XPNPEP3: variants seen among roughly 807,000 people sequenced by gnomAD.
XPNPEP3 encodes X-prolyl aminopeptidase 3.
Under a neutral mutation model 60.0 loss-of-function variants are expected in XPNPEP3, and 41 were observed. That is an observed-to-expected ratio of 0.68 (90% CI 0.53 to 0.89). XPNPEP3 has a LOEUF of 0.89. XPNPEP3 is among the 40% of genes least tolerant of loss of function. The pLI, the probability that XPNPEP3 is intolerant of heterozygous loss-of-function variation, is 0.00. For synonymous variants in XPNPEP3, 212 were observed against 223.2 expected, an observed-to-expected ratio of 0.95 and a Z score of 0.45; for missense variants, 598 against 638.9, an observed-to-expected ratio of 0.94 and a Z score of 0.69.
chr22:40,929,021 A>C lies in XPNPEP3; in HGVS notation c.*2586A>C, dbSNP rs946391679. ...CCTTCCCACCTCCCTCCAATTTCTC[A>C]ATCCAGAGCTTTTTAAAAAAAGGGG... On this transcript the variant is annotated 3_prime_UTR_variant, in exon 10 of 10. Transcript: ENST00000357137. 2 of 151,834 alleles carry C rather than the reference A, an allele frequency of 1.3e-5. No individual in the cohort carries two copies. Among genetic ancestry groups the C allele is most frequent in the African/African-American group, 4.8e-5 (2 of 41,296 alleles). The allele number at this position is 151,834 out of a possible 1,614,324, so 9.4% of individuals were successfully genotyped here. A position where few individuals can be genotyped will look rare whatever the true frequency, so the allele number is the denominator to read the frequency against.
chr22:40,868,465 AATATT>A (rs2057989739), intron 1 of XPNPEP3, among the ~76,000 whole-genome samples: 1 of 151,300 alleles, frequency 6.6e-6, no homozygotes, highest in African/African-American at 2.4e-5. Context: ...ATGTGTATAA[AATATT>A]ATAGCAGACA....
intron 4 of XPNPEP3, among the ~76,000 whole-genome samples, chr22:40,886,863 T>G (rs2058071486): frequency 6.6e-6 from 1 of 151,580 alleles, no homozygotes; most frequent in Non-Finnish European, 1.5e-5. Flanking sequence ...AAGAAAAAGT[T>G]TTTTCCAGAT....
chr22:40,882,039 CT>C lies in XPNPEP3; in HGVS notation c.456del (p.Phe152LeufsTer23). 6.2e-7 allele frequency: 1 copy of C among 1,614,156 alleles called. No individual in the cohort carries two copies. Among genetic ancestry groups the C allele is most frequent in the Non-Finnish European group, 8.5e-7 (1 of 1,180,026 alleles). Reference sequence around the variant, plus strand: ...ACAATTACCATCACACAAAGCCATACTTTTTGTGCCTCGGCGAGATCCCAGT... The same window carrying C: ...ACAATTACCATCACACAAAGCCATACTTTTGTGCCTCGGCGAGATCCCAGT... ...GKQLPSHKAI[L>X]FVPRRDPSRE... On this transcript the variant is annotated frameshift_variant, in exon 3 of 10. Transcript: ENST00000357137. LOFTEE classifies it high-confidence loss of function.
chr22:40,860,755 C>G (rs1356417256), intron 1 of XPNPEP3: 4 of 754,118 alleles, frequency 5.3e-6, no homozygotes, highest in African/African-American at 1.8e-5. Context: ...CAGGCTCAAG[C>G]AGTCTTTCTA....
Position 40,909,123 on chromosome 22 carries a change from T to C in XPNPEP3, c.857T>C (p.Phe286Ser). The part of the protein sequence containing the change: ...PVEEAFLYAK[F>S]EFECRARGAD... Reference sequence around the variant, plus strand: ...ATACCTTGCTGTTGTTTTTCACAGTTTGAATTTGAATGCCGGGCTCGTGGC... The same window carrying C: ...ATACCTTGCTGTTGTTTTTCACAGTCTGAATTTGAATGCCGGGCTCGTGGC... The change falls in exon 6 of 10, where the codon TTT becomes TCT. Residue 286 changes from phenylalanine (F) to serine (S), a missense_variant and splice_region_variant. Phe to Ser is a radical substitution (Grantham distance 155). Transcript: ENST00000357137. 1 of 1,614,120 alleles carries C rather than the reference T, an allele frequency of 6.2e-7. No homozygotes were observed. Among genetic ancestry groups the C allele is most frequent in the Non-Finnish European group, 8.5e-7 (1 of 1,179,986 alleles).
At chr22:40,923,006 A>T (rs2146281260) in intron 8 of XPNPEP3, among the ~76,000 whole-genome samples, 1 of 152,224 alleles carries the variant, frequency 6.6e-6, no homozygotes, top group East Asian at 1.9e-4. Context: ...AGGAAACAAG[A>T]AATGAGGAGA....
intron 2 of XPNPEP3, among the ~76,000 whole-genome samples, chr22:40,871,098 C>G (rs184129067): frequency 6.6e-6 from 1 of 152,220 alleles, no homozygotes; most frequent in Admixed American, 6.5e-5. Flanking sequence ...TACAGTGGCT[C>G]ACGCCTATAA....
intron 1 of XPNPEP3, among the ~76,000 whole-genome samples, chr22:40,868,329 C>A (rs370608574): frequency 6.6e-6 from 1 of 152,064 alleles, no homozygotes; most frequent in South Asian, 2.1e-4. Flanking sequence ...CTCTGTGATA[C>A]CCTTTCAAAC....
rs2058069092 is a variant in XPNPEP3 at position 40,886,464 on chromosome 22, G to A, written c.741G>A (p.Lys247=). 2 of 1,614,136 alleles carry A rather than the reference G, an allele frequency of 1.2e-6. No homozygotes were observed. Among genetic ancestry groups the A allele is most frequent in the Non-Finnish European group, 1.7e-6 (2 of 1,180,014 alleles). ...TGATACAGCGCCTCCGGCTGATCAA[G>A]TCTCCTGCAGAAATTGAACGAATGC... ...QQLIQRLRLI[K]SPAEIERMQI... Residue 247 remains lysine, a synonymous_variant, in exon 4 of 10, where the codon AAG becomes AAA. Coordinates refer to ENST00000357137, the MANE Select transcript of XPNPEP3 (RefSeq NM_022098.4).
chr22:40,864,667 A>G (rs1017508074), intron 1 of XPNPEP3, among the ~76,000 whole-genome samples: 5 of 151,664 alleles, frequency 3.3e-5, no homozygotes, highest in South Asian at 2.1e-4. Context: ...CTGATCTCGA[A>G]CTCCCAACCT....
intron 2 of XPNPEP3, among the ~76,000 whole-genome samples, chr22:40,880,036 A>G (rs2058041606): frequency 6.6e-6 from 1 of 151,410 alleles, no homozygotes; most frequent in African/African-American, 2.4e-5. Flanking sequence ...CCCAAAAAAA[A>G]AAAAAAAAAA....
chr22:40,870,247 G>A (rs1299774783), intron 2 of XPNPEP3: 2 of 277,470 alleles, frequency 7.2e-6, no homozygotes, highest in Non-Finnish European at 1.5e-5. Context: ...AGTTTTACCA[G>A]CTTTGAAAAT....
Position 40,922,554 on chromosome 22 carries a change from G to C in XPNPEP3, c.1236+41G>C, listed in dbSNP as rs1569033273. On this transcript the variant is annotated intron_variant, in intron 8 of 9. Transcript: ENST00000357137. Reference sequence around the variant, plus strand: ...TGACCCCAGTTCTCAAGAACACCTAGCATGCTGCTAGGTTTTTACCCTATA... The same window carrying C: ...TGACCCCAGTTCTCAAGAACACCTACCATGCTGCTAGGTTTTTACCCTATA... 1.9e-6 allele frequency: 3 copies of C among 1,608,192 alleles called. No homozygotes were observed. In the South Asian group the frequency reaches 3.3e-5, roughly 18 times the overall value.
intron 2 of XPNPEP3, among the ~76,000 whole-genome samples, chr22:40,875,879 G>A (rs2058025931): frequency 6.6e-6 from 1 of 151,342 alleles, no homozygotes; most frequent in African/African-American, 2.4e-5. Flanking sequence ...AATTAGCCAG[G>A]CATGGTGGTG....
intron 4 of XPNPEP3, among the ~76,000 whole-genome samples, chr22:40,890,368 A>G (rs1281299266): frequency 6.7e-6 from 1 of 148,958 alleles, no homozygotes; most frequent in Non-Finnish European, 1.5e-5. Flanking sequence ...GGCAACATGG[A>G]GAGACCCCCC....
chr22:40,860,538 T>C (rs1474108354), intron 1 of XPNPEP3: 1 of 772,742 alleles, frequency 1.3e-6, no homozygotes. Context: ...TGTCTTCTAA[T>C]GCTATGCATG....
intron 3 of XPNPEP3, among the ~76,000 whole-genome samples, 188 bp from the exon 4 acceptor site, chr22:40,886,125 G>T (rs2058067692): frequency 6.6e-6 from 1 of 152,176 alleles, no homozygotes; most frequent in African/African-American, 2.4e-5. Context: ...TCCAGGGAAT[G>T]ACCTTTCTAA....
intron 9 of XPNPEP3, among the ~76,000 whole-genome samples, chr22:40,924,949 A>T (rs929937283): frequency 3.3e-5 from 5 of 152,216 alleles, no homozygotes; most frequent in Non-Finnish European, 7.3e-5. Flanking sequence ...CAATTTGTTC[A>T]GTTTGACTCC....
intron 4 of XPNPEP3, among the ~76,000 whole-genome samples, chr22:40,903,644 C>T (rs2058143315): frequency 6.6e-6 from 1 of 152,026 alleles, no homozygotes; most frequent in African/African-American, 2.4e-5. Context: ...TGCCCGCCAC[C>T]ATGCCCGGCT....
Sources: gnomAD v4.1 joint callset for allele counts (sites outside exome capture counted in the v4.1 genomes callset) on GRCh38, gnomAD v4.1.1 for gene constraint, MANE v1.5 for transcripts, NCBI Gene and HGNC (gene_info 2026-07-23, HGNC 2026-07-21) for gene names.